The following KLHL32 variants were observed in gnomAD, a reference collection of about 807,000 sequenced individuals.
The protein encoded by KLHL32 is kelch-like protein 32.
In KLHL32, 35 loss-of-function variants were observed where a neutral mutation model predicts 64.8. That is an observed-to-expected ratio of 0.54 (90% CI 0.41 to 0.72). The LOEUF (loss-of-function observed/expected upper bound fraction) is 0.72. Ranked by LOEUF, KLHL32 falls within the 30% of genes least tolerant of loss-of-function variation. The pLI is 0.00. For synonymous variants in KLHL32, 259 were observed against 281.0 expected (o/e 0.92, Z 0.78); for missense variants, 589 against 768.5 (o/e 0.77, Z 2.76).
chr6:96,936,186 A>G (rs944183554), intron 1 of KLHL32, among the ~76,000 whole-genome samples: 1 of 152,238 alleles, frequency 6.6e-6, no homozygotes, highest in Admixed American at 6.5e-5. Flanking sequence ...GAGATATTCC[A>G]TAATCCAATG....
intron 3 of KLHL32, among the ~76,000 whole-genome samples, chr6:97,038,948 G>C (rs1434085469): frequency 1.3e-5 from 2 of 151,728 alleles, no homozygotes; most frequent in Non-Finnish European, 2.9e-5. Flanking sequence ...AAATTAGCTG[G>C]GTATGGTGGC....
At chr6:96,977,378 T>C (rs907846779) in intron 3 of KLHL32, among the ~76,000 whole-genome samples, 28 of 152,328 alleles carry the variant, frequency 1.8e-4, no homozygotes, top group African/African-American at 4.3e-4. Flanking sequence ...GCTTCATATA[T>C]GGACATAAAA....
chr6:97,010,272 C>T (rs1255005774), intron 3 of KLHL32: 1 of 151,430 alleles, frequency 6.6e-6, no homozygotes, highest in African/African-American at 2.4e-5. Flanking sequence ...AGAGGTAAGA[C>T]AGCAGTTGCA....
At chr6:97,056,096 CT>C (rs1193971196) in intron 4 of KLHL32, among the ~76,000 whole-genome samples, 2 of 123,806 alleles carry the variant, frequency 1.6e-5, no homozygotes, top group Non-Finnish European at 3.3e-5. Flanking sequence ...CTTTTTTTTT[CT>C]TTTTTTTTCT....
chr6:97,003,115 C>G (rs1007912485), intron 3 of KLHL32, among the ~76,000 whole-genome samples: 1 of 152,192 alleles, frequency 6.6e-6, no homozygotes, highest in Non-Finnish European at 1.5e-5. Context: ...TTCCTACCAG[C>G]AGTGTATAAG....
intron 3 of KLHL32, among the ~76,000 whole-genome samples, chr6:96,985,040 T>C (rs887074885): frequency 6.6e-6 from 1 of 152,110 alleles, no homozygotes; most frequent in African/African-American, 2.4e-5. Context: ...TAGTGCTTCC[T>C]TCAGGAGCTC....
chr6:97,116,323 C>CTATAGAATAA (rs1435741402), intron 7 of KLHL32, among the ~76,000 whole-genome samples: 8 of 151,948 alleles, frequency 5.3e-5, no homozygotes, highest in Non-Finnish European at 1.2e-4. Context: ...TAATAACCAC[C>CTATAGAATAA]AAGACTATAT....
At chr6:97,016,381 T>G (rs531622868) in intron 3 of KLHL32, among the ~76,000 whole-genome samples, 1 of 152,256 alleles carries the variant, frequency 6.6e-6, no homozygotes, top group African/African-American at 2.4e-5. Flanking sequence ...ATGTGAGACA[T>G]GGCGTCAAAG....
intron 3 of KLHL32, among the ~76,000 whole-genome samples, chr6:96,997,925 T>A (rs1778592586): frequency 6.6e-6 from 1 of 152,226 alleles, no homozygotes; most frequent in Non-Finnish European, 1.5e-5. Flanking sequence ...GGATTCATGT[T>A]GTTTCCTATT....
chr6:96,963,394 G>A (rs1774090788), intron 1 of KLHL32, among the ~76,000 whole-genome samples: 2 of 152,166 alleles, frequency 1.3e-5, no homozygotes, highest in South Asian at 4.1e-4. Flanking sequence ...TCCTCTTCCT[G>A]TTCCAGGAGA....
chr6:97,132,622 T>C, intron 9 of KLHL32, 31 bp from the exon 10 acceptor site: 1 of 1,497,682 alleles, frequency 6.7e-7, no homozygotes, highest in Non-Finnish European at 9.2e-7. Flanking sequence ...AATGGATTTT[T>C]TTTCTTTTTA....
At chr6:96,899,666 C>G in the KLHL32 span, among the ~76,000 whole-genome samples, 1 of 152,176 alleles carries the variant, frequency 6.6e-6, no homozygotes, top group African/African-American at 2.4e-5. Context: ...CAGATGCACT[C>G]CATCAGAAAC....
intron 6 of KLHL32, among the ~76,000 whole-genome samples, chr6:97,112,494 TG>T (rs1324301677): frequency 2.0e-5 from 3 of 152,010 alleles, no homozygotes; most frequent in African/African-American, 7.2e-5. Flanking sequence ...TTGCCCAGGC[TG>T]GAGTGCAATG....
At chr6:97,127,593 C>T in intron 8 of KLHL32, 131 bp downstream of exon 8, 1 of 782,268 alleles carries the variant, frequency 1.3e-6, no homozygotes, top group South Asian at 1.7e-5. Context: ...GAAAAGGAAG[C>T]ATCTGAATAA....
At chr6:96,923,063 G>A (rs1431267856), upstream of KLHL32, among the ~76,000 whole-genome samples, 1 of 152,218 alleles carries the variant, frequency 6.6e-6, no homozygotes, top group African/African-American at 2.4e-5. Flanking sequence ...AGCTTGGGCA[G>A]TAAGAGACTC....
chr6:97,099,448 C>T (rs1261757560), intron 6 of KLHL32, among the ~76,000 whole-genome samples: 1 of 152,160 alleles, frequency 6.6e-6, no homozygotes, highest in Non-Finnish European at 1.5e-5. Flanking sequence ...AGATTGGACT[C>T]CTGTGTTCTT....
At chr6:97,095,541 T>A (rs929565185) in intron 6 of KLHL32, among the ~76,000 whole-genome samples, 1 of 152,210 alleles carries the variant, frequency 6.6e-6, no homozygotes, top group Non-Finnish European at 1.5e-5. Context: ...GTGAAACAGC[T>A]GGGAAATCCT....
chr6:96,984,180 T>C (rs1776712192), intron 3 of KLHL32, among the ~76,000 whole-genome samples: 1 of 152,232 alleles, frequency 6.6e-6, no homozygotes, highest in African/African-American at 2.4e-5. Context: ...TTCCATGTAG[T>C]TGAGCAGTTT....
intron 4 of KLHL32, among the ~76,000 whole-genome samples, chr6:97,049,589 G>C (rs754130272): frequency 1.3e-5 from 2 of 151,504 alleles, no homozygotes; most frequent in Admixed American, 6.6e-5. Flanking sequence ...AACGGGGGGC[G>C]GGGGGGAACT....
Sources: gnomAD v4.1 joint callset for allele counts (sites outside exome capture counted in the v4.1 genomes callset) on GRCh38, gnomAD v4.1.1 for gene constraint, MANE v1.5 for transcripts, NCBI Gene and HGNC (gene_info 2026-07-23, HGNC 2026-07-21) for gene names.